The following DNMT3A variants were observed in gnomAD, a reference collection of about 807,000 sequenced individuals.
The protein encoded by DNMT3A is DNA (cytosine-5)-methyltransferase 3A.
In DNMT3A, 267 loss-of-function variants were observed where a neutral mutation model predicts 117.6. The observed-to-expected ratio is 2.27, with a 90% CI of 2.05 to 2.51. DNMT3A has a LOEUF of 2.51. Ranked by LOEUF, DNMT3A falls within the 30% of genes most tolerant of loss-of-function variation. DNMT3A has a pLI of 0.00. For missense variants in DNMT3A, 1,029 were observed against 1,260.2 expected, an observed-to-expected ratio of 0.82 and a Z score of 2.78; for synonymous variants, 432 against 474.8, an observed-to-expected ratio of 0.91 and a Z score of 1.17.
chr2:25,329,691 A>ACC, intron 1 of DNMT3A, among the ~76,000 whole-genome samples: 1 of 149,320 alleles, frequency 6.7e-6, no homozygotes, highest in East Asian at 1.9e-4. Flanking sequence ...ACACACACAC[A>ACC]CACACACACA....
Position 25,248,261 on chromosome 2 carries a change from A to G in DNMT3A, c.640-9T>C, listed in dbSNP as rs1221190460. 1 of 1,611,740 alleles carries G rather than the reference A, an allele frequency of 6.2e-7. No homozygotes were observed. Among genetic ancestry groups the G allele is most frequent in the Admixed American group, 1.7e-5 (1 of 59,252 alleles). Reference sequence around the variant, plus strand: ...TTGGCTTTCTTCTCAGCCTGGGGAAACAAAAAACAAAAAGTCACCTTGACC... The same window carrying G: ...TTGGCTTTCTTCTCAGCCTGGGGAAGCAAAAAACAAAAAGTCACCTTGACC... On this transcript the variant is annotated splice_polypyrimidine_tract_variant and intron_variant, in intron 6 of 22. Transcript: ENST00000321117.
chr2:25,284,190 G>C (rs1340422620), intron 3 of DNMT3A, among the ~76,000 whole-genome samples: 1 of 152,218 alleles, frequency 6.6e-6, no homozygotes, highest in Non-Finnish European at 1.5e-5. Context: ...TAGAAAGGCA[G>C]GGACAGCATC....
chr2:25,328,495 G>A, intron 1 of DNMT3A: 1 of 378,572 alleles, frequency 2.6e-6, no homozygotes, highest in Non-Finnish European at 5.8e-6. Flanking sequence ...CCCACCCAGG[G>A]GTCATTGAGT....
At chr2:25,341,492 C>A (rs1446033925) in intron 1 of DNMT3A, among the ~76,000 whole-genome samples, 1 of 145,916 alleles carries the variant, frequency 6.9e-6, no homozygotes, top group African/African-American at 2.5e-5. Flanking sequence ...GGTGGAGGGG[C>A]CCCCCGCGGC....
At chr2:25,249,375 T>C (rs1231568823) in intron 6 of DNMT3A, among the ~76,000 whole-genome samples, 1 of 152,136 alleles carries the variant, frequency 6.6e-6, no homozygotes, top group Non-Finnish European at 1.5e-5. Flanking sequence ...AAAGAGCCCA[T>C]CTCCCCCCAG....
chr2:25,242,479 G>T (rs1053915000), intron 16 of DNMT3A, among the ~76,000 whole-genome samples: 1 of 152,146 alleles, frequency 6.6e-6, no homozygotes, highest in African/African-American at 2.4e-5. Flanking sequence ...CAGCCTCCTG[G>T]GGTGTGACAT....
At chr2:25,309,478 C>T (rs180804507) in intron 2 of DNMT3A, among the ~76,000 whole-genome samples, 109 of 152,272 alleles carry the variant, frequency 7.2e-4, no homozygotes, top group Non-Finnish European at 1.3e-3. Context: ...AGGGCAAGAG[C>T]GCCATTATGC....
intron 1 of DNMT3A, among the ~76,000 whole-genome samples, chr2:25,325,102 C>A (rs2034735570): frequency 2.0e-5 from 3 of 152,066 alleles, no homozygotes; most frequent in Admixed American, 2.0e-4. Context: ...CTGCTTTGCT[C>A]ACACTAATGG....
At chr2:25,338,858 T>C (rs564558935) in intron 1 of DNMT3A, among the ~76,000 whole-genome samples, 9 of 152,298 alleles carry the variant, frequency 5.9e-5, no homozygotes, top group African/African-American at 1.9e-4. Flanking sequence ...GTGAAAGCGA[T>C]AGTAAAACAT....
At chr2:25,341,027 A>G (rs1217793188) in intron 1 of DNMT3A, among the ~76,000 whole-genome samples, 1 of 144,144 alleles carries the variant, frequency 6.9e-6, no homozygotes, top group East Asian at 2.1e-4. Context: ...TGTGCCCCCA[A>G]GGCGGGCGCT....
chr2:25,303,063 C>CT (rs1427226839), intron 2 of DNMT3A, among the ~76,000 whole-genome samples: 1 of 152,200 alleles, frequency 6.6e-6, no homozygotes, highest in Admixed American at 6.5e-5. Flanking sequence ...TTGTTTACTG[C>CT]TGAATCCCCA....
At chr2:25,253,968 A>C (rs1473900369) in intron 6 of DNMT3A, among the ~76,000 whole-genome samples, 1 of 151,676 alleles carries the variant, frequency 6.6e-6, no homozygotes, top group African/African-American at 2.4e-5. Context: ...GCTACTTGGG[A>C]GGCTGAGGCA....
At chr2:25,283,942 G>A (rs974743974) in intron 3 of DNMT3A, among the ~76,000 whole-genome samples, 44 of 152,206 alleles carry the variant, frequency 2.9e-4, no homozygotes, top group African/African-American at 1.0e-3. Flanking sequence ...GGCTTTGCAA[G>A]GACAAAGCAA....
At chr2:25,268,079 T>G (rs2030524459) in intron 6 of DNMT3A, among the ~76,000 whole-genome samples, 1 of 152,020 alleles carries the variant, frequency 6.6e-6, no homozygotes, top group African/African-American at 2.4e-5. Context: ...TGCTATCTGC[T>G]GGGCAGCCCT....
chr2:25,228,517 C>A lies in DNMT3A; in HGVS notation c.*5762G>T, dbSNP rs1244801784. 6.6e-6 allele frequency: 1 copy of A among 152,054 alleles called. No homozygotes were observed. The highest frequency in any genetic ancestry group is 6.6e-5 in the Admixed American group (1 of 15,252). 9.4% of individuals were successfully genotyped at this position (152,054 alleles called of 1,614,324 possible). On this transcript the variant is annotated 3_prime_UTR_variant, in exon 23 of 23. Transcript: ENST00000321117. ...TTTCCCACAAATAAGTAAGCACCCG[C>A]TACTTCAATGCCTCAGCTAAAACAC... is the stretch of plus-strand genomic sequence containing the variant.
At chr2:25,268,759 C>T (rs2030598393) in intron 6 of DNMT3A, among the ~76,000 whole-genome samples, 1 of 152,190 alleles carries the variant, frequency 6.6e-6, no homozygotes, top group Non-Finnish European at 1.5e-5. Context: ...CCCATGCCAT[C>T]CTCCAGGTAC....
chr2:25,265,352 C>A (rs1276489864), intron 6 of DNMT3A, among the ~76,000 whole-genome samples: 1 of 152,096 alleles, frequency 6.6e-6, no homozygotes. Flanking sequence ...AATTTCCAAG[C>A]CAGGAAACCA....
At chr2:25,289,094 T>G (rs1426376711) in intron 3 of DNMT3A, among the ~76,000 whole-genome samples, 3 of 152,032 alleles carry the variant, frequency 2.0e-5, no homozygotes, top group Non-Finnish European at 4.4e-5. Context: ...CTGTGAGCCT[T>G]GCCTTATTTA....
chr2:25,262,932 C>T (rs1676736450), intron 6 of DNMT3A, among the ~76,000 whole-genome samples: 1 of 152,090 alleles, frequency 6.6e-6, no homozygotes, highest in Non-Finnish European at 1.5e-5. Context: ...TCCTGAAATG[C>T]CTTCCTCCTC....
Sources: gnomAD v4.1 joint callset for allele counts (sites outside exome capture counted in the v4.1 genomes callset) on GRCh38, gnomAD v4.1.1 for gene constraint, MANE v1.5 for transcripts, NCBI Gene and HGNC (gene_info 2026-07-23, HGNC 2026-07-21) for gene names.